The following STX5 variants were observed in gnomAD, a reference collection of about 807,000 sequenced individuals.
The protein encoded by STX5 is syntaxin 5.
Under a neutral mutation model 42.9 loss-of-function variants are expected in STX5, and 15 were observed. That is an observed-to-expected ratio of 0.35 (90% CI 0.23 to 0.54). The LOEUF (loss-of-function observed/expected upper bound fraction) is 0.54. STX5 is among the 20% of genes least tolerant of loss of function. The pLI is 0.91. For missense variants in STX5, 430 were observed against 455.0 expected (o/e 0.95, Z 0.50); for synonymous variants, 184 against 173.2 (o/e 1.06, Z -0.49).
chr11:62,825,772 T>C (rs1262567596), intron 5 of STX5, among the ~76,000 whole-genome samples: 1 of 152,162 alleles, frequency 6.6e-6, no homozygotes, highest in Non-Finnish European at 1.5e-5. Flanking sequence ...CCTTCATCCA[T>C]TGTAAATAAC....
intron 10 of STX5, among the ~76,000 whole-genome samples, chr11:62,810,863 CTTAT>C (rs1326994456): frequency 6.6e-6 from 1 of 152,168 alleles, no homozygotes; most frequent in Admixed American, 6.5e-5. Flanking sequence ...ATTCTACTTC[CTTAT>C]TTCTTTTATG....
intron 6 of STX5, 35 bp from the exon 7 acceptor site, chr11:62,825,374 G>C (rs774155089): frequency 8.1e-6 from 13 of 1,614,162 alleles, no homozygotes; most frequent in East Asian, 2.2e-5. Flanking sequence ...ACCAAAGAAG[G>C]CTCCACATTC....
intron 1 of STX5, among the ~76,000 whole-genome samples, chr11:62,831,523 G>T (rs1186514476): frequency 2.0e-5 from 3 of 151,970 alleles, no homozygotes; most frequent in South Asian, 4.2e-4. Flanking sequence ...GCAGAGACAG[G>T]GCCAGAGCCA....
intron 2 of STX5, among the ~76,000 whole-genome samples, chr11:62,830,162 CTT>C (rs201147713): frequency 2.4e-4 from 33 of 137,698 alleles, no homozygotes; most frequent in South Asian, 2.3e-4. Flanking sequence ...CCACGTCCAG[CTT>C]TTTTTTTTTT....
In STX5 at chr11:62,810,721, T is replaced by TA. The variant is rs200533009; in HGVS notation, c.909-3094dup. On this transcript the variant is annotated intron_variant, in intron 10 of 10. Coordinates refer to ENST00000294179, the MANE Select transcript of STX5 (RefSeq NM_003164.5). ...TCTGCATCCCAAAAAACTTCAGACT[T>TA]AATCAGTGGTTTCTAGAGCAAGTGC... Among the ~76,000 whole-genome samples, 582 of 152,342 alleles carry TA rather than the reference T, an allele frequency of 3.8e-3. 2 individuals are homozygous for TA. Among genetic ancestry groups the TA allele is most frequent in the African/African-American group, 0.013 (541 of 41,574 alleles).
rs189420500 is a variant in STX5, at chr11:62,825,893, C to G, written c.424-354G>C. ...GGGTCTAGGGCATGACCAACAAAGCCCCCGGACAGTACTCAGGAAAAGGGA... is the reference window on the plus strand; with the variant it reads ...GGGTCTAGGGCATGACCAACAAAGCGCCCGGACAGTACTCAGGAAAAGGGA... On this transcript the variant is annotated intron_variant, in intron 5 of 10. Coordinates refer to ENST00000294179, the MANE Select transcript of STX5 (RefSeq NM_003164.5). Among the ~76,000 whole-genome samples, 822 of 152,282 alleles carry G rather than the reference C, an allele frequency of 5.4e-3. 12 individuals carry two copies. Among genetic ancestry groups the G allele is most frequent in the South Asian group, 0.031 (149 of 4,826 alleles).
Position 62,831,977 on chromosome 11 carries a change from C to T in STX5, c.-43G>A. ...ACCTCCCCTCTGCCGCCTGCCGCCG[C>T]CGCCACTTCCAATCTCACCGGCCGT... On this transcript the variant is annotated 5_prime_UTR_variant, in exon 1 of 11. Transcript: ENST00000294179. 1 of 463,764 alleles carries T rather than the reference C, an allele frequency of 2.2e-6. No individual in the cohort carries two copies. 28.7% of individuals were successfully genotyped at this position (463,764 alleles called of 1,614,324 possible).
intron 1 of STX5, 88 bp from the exon 2 acceptor site, chr11:62,831,350 C>T (rs1038023187): frequency 2.9e-5 from 29 of 989,902 alleles, no homozygotes; most frequent in Middle Eastern, 3.0e-4. Context: ...CCCCGAGCCC[C>T]TTCTGCACTT....
chr11:62,814,041 TC>T (rs1335968392), intron 10 of STX5, among the ~76,000 whole-genome samples: 2 of 149,822 alleles, frequency 1.3e-5, no homozygotes, highest in Non-Finnish European at 3.0e-5. Flanking sequence ...CCCTCTAGGC[TC>T]CCACCAGACA....
In STX5 at chr11:62,825,337, C is replaced by T. The variant is rs372334608; in HGVS notation, c.543G>A (p.Ser181=). The stretch of plus-strand genomic sequence containing the variant: ...AGTCATTGGACATAGAAGCCAGTTT[C>T]GACTAGAAGAAAAGGAGAGAGGGTC... ...HSNTIVVSLQ[S]KLASMSNDFK... Residue 181 remains serine, a splice_region_variant and synonymous_variant, in exon 7 of 11, where the codon TCG becomes TCA. Coordinates refer to ENST00000294179, the MANE Select transcript of STX5 (RefSeq NM_003164.5). The T allele has an allele frequency of 2.5e-5, 41 of 1,614,032 alleles. No individual in the cohort carries two copies. The highest frequency in any genetic ancestry group is 1.1e-4 in the African/African-American group (8 of 74,908).
chr11:62,815,605 C>T (rs984369473), intron 10 of STX5, among the ~76,000 whole-genome samples: 73 of 151,288 alleles, frequency 4.8e-4, no homozygotes, highest in Middle Eastern at 3.4e-3. Flanking sequence ...GGCACAATCT[C>T]GGCTCACTGC....
At chr11:62,823,422 G>A (rs2084761440) in intron 10 of STX5, among the ~76,000 whole-genome samples, 1 of 152,058 alleles carries the variant, frequency 6.6e-6, no homozygotes, top group South Asian at 2.1e-4. Context: ...GACTGTGTGG[G>A]CCTCCCAAAG....
chr11:62,817,659 G>A (rs2084690308), intron 10 of STX5, among the ~76,000 whole-genome samples: 1 of 152,080 alleles, frequency 6.6e-6, no homozygotes, highest in African/African-American at 2.4e-5. Flanking sequence ...AAATTTTAAG[G>A]CAGCTATTAT....
chr11:62,825,388 C>T, intron 6 of STX5, 35 bp downstream of exon 6: 2 of 1,614,082 alleles, frequency 1.2e-6, no homozygotes, highest in Non-Finnish European at 1.7e-6. Flanking sequence ...CACATTCTTC[C>T]TCTTTGCCTC....
intron 10 of STX5, among the ~76,000 whole-genome samples, chr11:62,822,844 C>T (rs1407464433): frequency 6.6e-6 from 1 of 152,070 alleles, no homozygotes; most frequent in Non-Finnish European, 1.5e-5. Context: ...TGCTAAGCAC[C>T]ACAGAGGAGG....
intron 10 of STX5, among the ~76,000 whole-genome samples, chr11:62,814,703 G>A (rs947419584): frequency 4.7e-5 from 7 of 149,168 alleles, no homozygotes; most frequent in Admixed American, 4.1e-4. Context: ...TTGGCTCACC[G>A]CAACCGCTGC....
intron 8 of STX5, 21 bp from the exon 9 acceptor site, chr11:62,824,586 T>C: frequency 6.2e-7 from 1 of 1,610,898 alleles, no homozygotes; most frequent in Non-Finnish European, 8.5e-7. Flanking sequence ...AAACAGGATG[T>C]GGCACACCTT....
rs2134846667 is a variant in STX5 at position 62,824,548 on chromosome 11, G to A, written c.697C>T (p.Leu233=). Residue 233 remains leucine, a synonymous_variant, in exon 9 of 11, where the codon CTG becomes TTG. Transcript: ENST00000294179. ...PNHLGGGAVV[L]GAESHASKDV... is the part of the protein sequence containing the mutation. ...TTGGAGGCATGGGACTCTGCCCCCA[G>A]AACCACAGCACCACCGCCTGGGGGA... is the stretch of plus-strand genomic sequence containing the variant. 1.2e-6 allele frequency: 2 copies of A among 1,614,110 alleles called. No homozygotes were observed. Among genetic ancestry groups the A allele is most frequent in the Non-Finnish European group, 1.7e-6 (2 of 1,180,006 alleles).
At position 62,827,574 on chromosome 11, in the gene STX5, T is replaced by C. The variant is rs1442591279; in HGVS notation, c.283A>G (p.Thr95Ala). The change falls in exon 3 of 11, where the codon ACC (threonine) becomes GCC (alanine). Residue 95 changes from threonine to alanine, a missense_variant. Coordinates refer to ENST00000294179, the MANE Select transcript of STX5 (RefSeq NM_003164.5). ...LRAVRQRSEF[T>A]LMAKRIGKDL... ...CTCTCAACTCACTTGGCCATGAGGGTGAATTCACTGCGTTGTCGGACAGCA... is the reference window on the plus strand; with the variant it reads ...CTCTCAACTCACTTGGCCATGAGGGCGAATTCACTGCGTTGTCGGACAGCA... The C allele has an allele frequency of 6.8e-6, 11 of 1,614,186 alleles. No individual in the cohort carries two copies. Among genetic ancestry groups the C allele is most frequent in the Non-Finnish European group, 9.3e-6 (11 of 1,180,050 alleles).
Sources: allele counts gnomAD v4.1 joint callset (sites outside exome capture counted in the v4.1 genomes callset), GRCh38; gene constraint gnomAD v4.1.1; transcripts MANE v1.5; gene names NCBI Gene and HGNC (gene_info 2026-07-23, HGNC 2026-07-21).